Variants in ADAMTSL1 observed in about 807,000 individuals in gnomAD.
ADAMTSL1 encodes ADAMTS-like protein 1.
Under a neutral mutation model 201.8 loss-of-function variants are expected in ADAMTSL1, and 126 were observed. The observed-to-expected ratio is 0.62, with a 90% confidence interval of 0.54 to 0.72. ADAMTSL1 has a LOEUF of 0.72. Among genes scored for constraint, ADAMTSL1 ranks in the 30% least tolerant of loss-of-function variants. ADAMTSL1 has a pLI of 0.00. For missense variants in ADAMTSL1, 2,679 were observed against 2,277.8 expected (o/e 1.18, Z -3.59); for synonymous variants, 1,121 against 903.4 (o/e 1.24, Z -4.32).
intron 4 of ADAMTSL1, among the ~76,000 whole-genome samples, chr9:18,596,901 A>G (rs556181440): frequency 9.9e-5 from 15 of 152,124 alleles, no homozygotes; most frequent in Admixed American, 9.8e-4. Flanking sequence ...TTTCTCAGGA[A>G]CTCATGTAAG....
intron 1 of ADAMTSL1, among the ~76,000 whole-genome samples, chr9:18,160,326 G>A (rs1827327278): frequency 6.6e-6 from 1 of 152,066 alleles, no homozygotes; most frequent in Non-Finnish European, 1.5e-5. Context: ...GGACAAGAAG[G>A]TGTTCCTTAC....
chr9:18,103,844 A>G (rs943690389), intron 1 of ADAMTSL1, among the ~76,000 whole-genome samples: 2 of 152,202 alleles, frequency 1.3e-5, no homozygotes, highest in Non-Finnish European at 2.9e-5. Flanking sequence ...GGAGCACTAG[A>G]CCCATAGGTG....
chr9:18,677,779 T>TATG (rs1037794667), intron 10 of ADAMTSL1, among the ~76,000 whole-genome samples: 2 of 152,094 alleles, frequency 1.3e-5, no homozygotes, highest in African/African-American at 4.8e-5. Flanking sequence ...TTGGCATGTC[T>TATG]ATGTATCACA....
chr9:18,089,965 A>T (rs1331262923), intron 1 of ADAMTSL1, among the ~76,000 whole-genome samples: 4 of 152,290 alleles, frequency 2.6e-5, no homozygotes, highest in Non-Finnish European at 5.9e-5. Context: ...GGTAATTATA[A>T]TTTATATTAA....
intron 1 of ADAMTSL1, among the ~76,000 whole-genome samples, chr9:18,049,349 A>G (rs756697611): frequency 2.3e-4 from 35 of 152,186 alleles, no homozygotes; most frequent in Admixed American, 8.5e-4. Context: ...AAAATTTGTC[A>G]GAATTCTGGC....
chr9:18,769,753 G>A (rs1485834428), intron 16 of ADAMTSL1, among the ~76,000 whole-genome samples: 1 of 152,170 alleles, frequency 6.6e-6, no homozygotes, highest in Non-Finnish European at 1.5e-5. Context: ...CCATCGGCCA[G>A]CATCAAGTCA....
intron 3 of ADAMTSL1, among the ~76,000 whole-genome samples, chr9:18,549,890 C>G (rs1056742313): frequency 6.6e-6 from 1 of 151,900 alleles, no homozygotes; most frequent in African/African-American, 2.4e-5. Context: ...AAATGAATAT[C>G]AAGTTTCATC....
intron 7 of ADAMTSL1, among the ~76,000 whole-genome samples, chr9:18,640,803 C>T (rs1461131968): frequency 1.3e-5 from 2 of 152,086 alleles, no homozygotes; most frequent in African/African-American, 4.8e-5. Context: ...ATCCTTGCTG[C>T]CACTGCGTTA....
chr9:18,735,765 T>C (rs1818468765), intron 15 of ADAMTSL1, among the ~76,000 whole-genome samples: 6 of 149,426 alleles, frequency 4.0e-5, no homozygotes, highest in Admixed American at 4.0e-4. Context: ...TTTTTTTTTT[T>C]TTTGAGACAA....
intron 2 of ADAMTSL1, among the ~76,000 whole-genome samples, chr9:18,235,264 AT>A (rs1202026276): frequency 1.3e-5 from 2 of 152,128 alleles, no homozygotes; most frequent in Non-Finnish European, 2.9e-5. Context: ...TGAAATTGGG[AT>A]TTGTCTGATG....
At chr9:18,384,726 G>C (rs1837712911) in intron 2 of ADAMTSL1, among the ~76,000 whole-genome samples, 1 of 152,022 alleles carries the variant, frequency 6.6e-6, no homozygotes, top group South Asian at 2.1e-4. Flanking sequence ...TTTTACCAGT[G>C]CTCCCTTTCC....
At position 18,259,976 on chromosome 9, in the gene ADAMTSL1, C is replaced by G. The variant is rs1831852778; in HGVS notation, c.207+95995C>G. On this transcript the variant is annotated intron_variant, in intron 2 of 29. Coordinates refer to the ADAMTSL1 transcript ENST00000680146. ...CATTCAAGGAGTTGGAAATAATTTG[C>G]TGATACTACCCCTCTGGAAGACTTG... 2.0e-5 allele frequency among the ~76,000 whole-genome samples: 3 copies of G among 152,198 alleles called. No individual in the cohort carries two copies. In the South Asian group the frequency reaches 6.2e-4, roughly 32 times the overall value.
chr9:18,079,169 C>T (rs975317441), intron 1 of ADAMTSL1, among the ~76,000 whole-genome samples: 4 of 152,114 alleles, frequency 2.6e-5, no homozygotes, highest in Non-Finnish European at 5.9e-5. Flanking sequence ...TAGCAGTTCT[C>T]ACCCCAAAAA....
In ADAMTSL1 at chr9:18,451,312, T is replaced by A. The variant is rs564236543; in HGVS notation, c.208-53517T>A. ...TTTATGGTAAGATCGCCACATAAGA[T>A]AACTTGCTGTCATTTTTTCAACCTA... On this transcript the variant is annotated intron_variant, in intron 2 of 29. Transcript: ENST00000680146. 2.0e-5 allele frequency among the ~76,000 whole-genome samples: 3 copies of A among 152,348 alleles called. No homozygotes were observed. In the South Asian group the frequency reaches 6.2e-4, roughly 32 times the overall value.
intron 2 of ADAMTSL1, among the ~76,000 whole-genome samples, chr9:18,447,813 C>A (rs1459158038): frequency 6.6e-6 from 1 of 152,224 alleles, no homozygotes; most frequent in African/African-American, 2.4e-5. Context: ...GCATGCCCCT[C>A]AGGGGCCTGG....
chr9:17,993,288 A>C (rs1376907998), intron 1 of ADAMTSL1, among the ~76,000 whole-genome samples: 1 of 152,092 alleles, frequency 6.6e-6, no homozygotes, highest in East Asian at 1.9e-4. Flanking sequence ...CCTGTTTAAC[A>C]TGTTAAATTA....
intron 2 of ADAMTSL1, among the ~76,000 whole-genome samples, chr9:18,227,914 G>T (rs1212055459): frequency 6.6e-6 from 1 of 152,192 alleles, no homozygotes; most frequent in African/African-American, 2.4e-5. Flanking sequence ...GAGCATGTTT[G>T]TCAAGTAAGT....
At chr9:18,403,154 ATC>A (rs1818050319) in intron 2 of ADAMTSL1, among the ~76,000 whole-genome samples, 1 of 150,578 alleles carries the variant, frequency 6.6e-6, no homozygotes, top group Admixed American at 6.6e-5. Flanking sequence ...TTTTCTTGTA[ATC>A]TTTTTTTTTT....
intron 2 of ADAMTSL1, among the ~76,000 whole-genome samples, chr9:18,283,607 TAAAAAA>T (rs34012085): frequency 3.6e-4 from 22 of 60,768 alleles, no homozygotes; most frequent in Non-Finnish European, 5.0e-4. Context: ...AACTGTATCT[TAAAAAA>T]AAAAAAAAAA....
Sources: gnomAD v4.1 joint callset for allele counts (sites outside exome capture counted in the v4.1 genomes callset) on GRCh38, gnomAD v4.1.1 for gene constraint, MANE v1.5 for transcripts, NCBI Gene and HGNC (gene_info 2026-07-23, HGNC 2026-07-21) for gene names.